The following PBX1 variants were observed in gnomAD, a reference collection of about 807,000 sequenced individuals.
PBX1 encodes PBX homeobox 1.
A neutral mutation model predicts 53.4 loss-of-function variants in PBX1; 6 were observed. The ratio of observed to expected loss-of-function variants is 0.11; its 90% CI spans 0.06 to 0.22. The LOEUF (loss-of-function observed/expected upper bound fraction) is 0.22, where lower values mean the gene tolerates loss of function less well. Among genes scored for constraint, PBX1 ranks in the 10% least tolerant of loss-of-function variants. PBX1 has a pLI of 1.00. For synonymous variants in PBX1, 204 were observed against 212.3 expected (o/e 0.96, Z 0.34); for missense variants, 251 against 551.4 (o/e 0.46, Z 5.46).
chr1:164,751,580 C>CTTTTTTT (rs776504167), intron 2 of PBX1, among the ~76,000 whole-genome samples: 2 of 142,070 alleles, frequency 1.4e-5, no homozygotes, highest in African/African-American at 2.7e-5. Flanking sequence ...TTATTGCCCC[C>CTTTTTTT]CTTTTTTTTT....
chr1:164,752,208 G>A (rs796442297), intron 2 of PBX1, among the ~76,000 whole-genome samples: 4 of 80,200 alleles, frequency 5.0e-5, no homozygotes, highest in South Asian at 6.4e-4. Flanking sequence ...TTAAGGTTTT[G>A]TGTGTGTGTG....
chr1:164,862,192 AC>A (rs1672116811), intron 2 of PBX1, among the ~76,000 whole-genome samples: 1 of 152,102 alleles, frequency 6.6e-6, no homozygotes, highest in African/African-American at 2.4e-5. Flanking sequence ...TAGTGTGAGG[AC>A]CCAGAGAAAA....
At chr1:164,618,849 T>C (rs1179851274) in intron 2 of PBX1, among the ~76,000 whole-genome samples, 1 of 152,218 alleles carries the variant, frequency 6.6e-6, no homozygotes, top group East Asian at 1.9e-4. Context: ...GTGCCCTGAT[T>C]AGCCCTCTAT....
intron 2 of PBX1, among the ~76,000 whole-genome samples, chr1:164,867,353 AC>A (rs1672242431): frequency 6.6e-6 from 1 of 152,150 alleles, no homozygotes; most frequent in South Asian, 2.1e-4. Context: ...ATTTGGCTTC[AC>A]AGTCAGGACA....
At chr1:164,742,598 A>G (rs1288989053) in intron 2 of PBX1, among the ~76,000 whole-genome samples, 1 of 152,192 alleles carries the variant, frequency 6.6e-6, no homozygotes, top group Non-Finnish European at 1.5e-5. Flanking sequence ...ATTTTAAACC[A>G]AAAAGTAAGT....
intron 2 of PBX1, among the ~76,000 whole-genome samples, chr1:164,612,389 G>T (rs1656992269): frequency 6.6e-6 from 1 of 151,982 alleles, no homozygotes; most frequent in Non-Finnish European, 1.5e-5. Flanking sequence ...GAAAGGAAAG[G>T]GGGATGGGGG....
At chr1:164,821,687 C>A in intron 8 of PBX1, 61 bp downstream of exon 8, 1 of 1,317,092 alleles carries the variant, frequency 7.6e-7, no homozygotes, top group Non-Finnish European at 1.1e-6. Flanking sequence ...CCAATTATTT[C>A]AAAGCCATAG....
At chr1:164,610,558 T>C (rs1447620684) in intron 2 of PBX1, among the ~76,000 whole-genome samples, 1 of 152,010 alleles carries the variant, frequency 6.6e-6, no homozygotes, top group East Asian at 1.9e-4. Flanking sequence ...GTTAAGGTCT[T>C]CATAGAGTGA....
chr1:164,634,022 G>C (rs999698955), intron 2 of PBX1, among the ~76,000 whole-genome samples: 3 of 152,230 alleles, frequency 2.0e-5, no homozygotes, highest in Admixed American at 1.3e-4. Context: ...GCGTTATCCA[G>C]CTCTGCTGTG....
chr1:164,650,616 C>T (rs999043218), intron 2 of PBX1, among the ~76,000 whole-genome samples: 11 of 152,140 alleles, frequency 7.2e-5, no homozygotes, highest in Non-Finnish European at 1.2e-4. Context: ...CCATCATAGT[C>T]CCTAAAACTT....
chr1:164,570,540 A>C (rs963552780), intron 2 of PBX1, among the ~76,000 whole-genome samples: 3 of 152,172 alleles, frequency 2.0e-5, no homozygotes, highest in Non-Finnish European at 4.4e-5. Context: ...ACATGAACTC[A>C]TCCTTTTTAT....
At chr1:164,853,287 A>C (rs1218434418), downstream of PBX1, among the ~76,000 whole-genome samples, 1 of 152,190 alleles carries the variant, frequency 6.6e-6, no homozygotes, top group African/African-American at 2.4e-5. Flanking sequence ...GGATTAGAAA[A>C]GTAGTCCCTG....
At position 164,559,956 on chromosome 1, in the gene PBX1, A is replaced by C. The variant is rs777341799; in HGVS notation, c.134A>C (p.Asp45Ala). ...GGCGGGAGGAAGCAGGACATTGGAGACATTTTACAGCAAATTATGACCATC... is the reference window on the plus strand; with the variant it reads ...GGCGGGAGGAAGCAGGACATTGGAGCCATTTTACAGCAAATTATGACCATC... ...GEGGRKQDIG[D>A]ILQQIMTITD... Residue 45 changes from aspartate (D) to alanine (A), a missense_variant, in exon 1 of 9, where the codon GAC becomes GCC. By Grantham distance (126) the Asp-to-Ala change is moderately radical. This residue lies in a region of PBX1 where 63 missense variants were observed against 78.7 expected (regional missense o/e 0.80). Transcript: ENST00000420696. The C allele has an allele frequency of 6.5e-7, 1 of 1,540,898 alleles. No individual in the cohort carries two copies. Among genetic ancestry groups the C allele is most frequent in the South Asian group, 1.2e-5 (1 of 82,718 alleles).
intron 2 of PBX1, among the ~76,000 whole-genome samples, chr1:164,626,463 A>G (rs1658052401): frequency 6.6e-6 from 1 of 152,158 alleles, no homozygotes. Context: ...GAATCGGTGT[A>G]TGGACTGTTC....
At chr1:164,653,886 T>G (rs1024376585) in intron 2 of PBX1, among the ~76,000 whole-genome samples, 1 of 152,344 alleles carries the variant, frequency 6.6e-6, no homozygotes, top group East Asian at 1.9e-4. Context: ...CATTGTCTGC[T>G]TCATTGTCCT....
chr1:164,681,168 C>T (rs1661748865), intron 2 of PBX1, among the ~76,000 whole-genome samples: 1 of 151,980 alleles, frequency 6.6e-6, no homozygotes, highest in Non-Finnish European at 1.5e-5. Flanking sequence ...TTGCTTGGGC[C>T]CAGGAGTTCG....
chr1:164,784,472 T>C (rs1208898142), intron 2 of PBX1, among the ~76,000 whole-genome samples: 2 of 152,134 alleles, frequency 1.3e-5, no homozygotes, highest in Non-Finnish European at 2.9e-5. Flanking sequence ...AAAATGCACG[T>C]GACCAGAACC....
intron 4 of PBX1, among the ~76,000 whole-genome samples, chr1:164,802,093 T>G (rs1002664901): frequency 6.6e-6 from 1 of 152,236 alleles, no homozygotes; most frequent in African/African-American, 2.4e-5. Context: ...AAAGAGGACT[T>G]GATTTAGTAA....
At chr1:164,884,627 A>G (rs767009301) in intron 2 of PBX1, 24 of 473,444 alleles carry the variant, frequency 5.1e-5, no homozygotes, top group Non-Finnish European at 9.8e-5. Context: ...GTCTTCCCCT[A>G]TCTGAAAAGT....
Sources: allele counts gnomAD v4.1 joint callset (sites outside exome capture counted in the v4.1 genomes callset), GRCh38; gene constraint gnomAD v4.1.1; regional missense constraint gnomAD v4.1.1; transcripts MANE v1.5; gene names NCBI Gene and HGNC (gene_info 2026-07-23, HGNC 2026-07-21).